Variants in PGM5 observed in about 807,000 individuals in gnomAD.
PGM5 encodes the protein phosphoglucomutase-like protein 5.
PGM5 carries 23 observed loss-of-function variants against 59.2 expected under a neutral mutation model. That is an observed-to-expected ratio of 0.39 (90% CI 0.28 to 0.55). The LOEUF is 0.55. PGM5 is among the 20% of genes least tolerant of loss of function. The pLI is 0.66. For synonymous variants in PGM5, 214 were observed against 286.0 expected (o/e 0.75, Z 2.54); for missense variants, 574 against 748.3 (o/e 0.77, Z 2.72).
chr9:68,376,864 T>TCTCTTTCTTTTTTC (rs1554677806), intron 1 of PGM5, among the ~76,000 whole-genome samples: 5 of 115,296 alleles, frequency 4.3e-5, no homozygotes, highest in South Asian at 2.6e-4. Context: ...TTTCTTTCTT[T>TCTCTTTCTTTTTTC]TTTCTTTCTC....
intron 6 of PGM5, among the ~76,000 whole-genome samples, chr9:68,420,333 T>G (rs1260744080): frequency 6.6e-6 from 1 of 152,120 alleles, no homozygotes; most frequent in Admixed American, 6.6e-5. Flanking sequence ...TGATCTTGAG[T>G]ACAACTGAAG....
chr9:68,448,059 G>A (rs1823642082), intron 6 of PGM5, among the ~76,000 whole-genome samples: 3 of 152,280 alleles, frequency 2.0e-5, no homozygotes, highest in South Asian at 4.2e-4. Context: ...ATGGGGAAGA[G>A]GGAAGAGGAA....
chr9:68,510,313 G>A (rs1419443281), intron 10 of PGM5, among the ~76,000 whole-genome samples: 4 of 151,754 alleles, frequency 2.6e-5, no homozygotes, highest in African/African-American at 7.3e-5. Flanking sequence ...CACCACGCCC[G>A]GCTAAATTTT....
chr9:68,409,586 G>A (rs1478085688), intron 6 of PGM5, among the ~76,000 whole-genome samples: 2 of 138,522 alleles, frequency 1.4e-5, no homozygotes, highest in African/African-American at 5.4e-5. Context: ...GGACATGGAT[G>A]AAATTGGAAA....
chr9:68,382,030 A>G (rs148766729), intron 2 of PGM5, among the ~76,000 whole-genome samples: 1,994 of 151,950 alleles, frequency 0.013, 21 homozygotes, highest in African/African-American at 0.037. Flanking sequence ...ATAGAAAAGC[A>G]ATACTAAAAT....
intron 6 of PGM5, among the ~76,000 whole-genome samples, chr9:68,424,896 T>C (rs146482209): frequency 1.1e-3 from 172 of 152,298 alleles, no homozygotes; most frequent in African/African-American, 3.8e-3. Context: ...GTTGCCCTTA[T>C]TAGTTAGACC....
intron 1 of PGM5, among the ~76,000 whole-genome samples, chr9:68,370,433 T>C (rs1319250335): frequency 6.6e-6 from 1 of 152,176 alleles, no homozygotes; most frequent in Non-Finnish European, 1.5e-5. Context: ...CTCCGAAATT[T>C]TAGCCTGAGG....
At chr9:68,524,880 G>A (rs193253081) in intron 10 of PGM5, among the ~76,000 whole-genome samples, 115 of 152,312 alleles carry the variant, frequency 7.6e-4, no homozygotes, top group African/African-American at 2.6e-3. Context: ...ATGTGTGACC[G>A]TGGGTCAATC....
intron 6 of PGM5, among the ~76,000 whole-genome samples, chr9:68,448,425 G>T (rs1823647317): frequency 6.6e-6 from 1 of 152,090 alleles, no homozygotes; most frequent in African/African-American, 2.4e-5. Context: ...CCCACTTAGA[G>T]GCTTCCACCC....
intron 4 of PGM5, among the ~76,000 whole-genome samples, chr9:68,390,275 A>T (rs1165106689): frequency 6.6e-6 from 1 of 152,174 alleles, no homozygotes; most frequent in Non-Finnish European, 1.5e-5. Flanking sequence ...TCTGGCCTAC[A>T]GGGAAGACAG....
chr9:68,414,257 A>G (rs1822984171), intron 6 of PGM5, among the ~76,000 whole-genome samples: 1 of 152,118 alleles, frequency 6.6e-6, no homozygotes, highest in South Asian at 2.1e-4. Flanking sequence ...CTCTTTTCTT[A>G]ATAAATTACC....
rs1834457861 is a variant in PGM5, at chr9:68,356,992, A to C, written c.-136A>C. On this transcript the variant is annotated 5_prime_UTR_variant, in exon 1 of 11. Coordinates refer to ENST00000396396, the MANE Select transcript of PGM5 (RefSeq NM_021965.4). ...CCCCAGGCGGGCGGGTGCAGGGCGCAGGGCGCCGACCTGCTGGAGAGGGGG... is the reference window on the plus strand; with the variant it reads ...CCCCAGGCGGGCGGGTGCAGGGCGCCGGGCGCCGACCTGCTGGAGAGGGGG... 8.7e-6 allele frequency: 8 copies of C among 923,142 alleles called. No homozygotes were observed. In the African/African-American group the frequency reaches 1.4e-4, roughly 16 times the overall value. 57.2% of individuals were successfully genotyped at this position (923,142 alleles called of 1,614,324 possible).
chr9:68,410,347 G>A (rs1440692865), intron 6 of PGM5, among the ~76,000 whole-genome samples: 1 of 152,178 alleles, frequency 6.6e-6, no homozygotes, highest in African/African-American at 2.4e-5. Context: ...TATTAAGATA[G>A]AAGGGGATGA....
At chr9:68,480,425 C>A (rs147037384) in intron 8 of PGM5, among the ~76,000 whole-genome samples, 8 of 152,268 alleles carry the variant, frequency 5.3e-5, no homozygotes, top group Admixed American at 5.2e-4. Context: ...GAGGTACAGG[C>A]CAGGTGTGGT....
intron 6 of PGM5, among the ~76,000 whole-genome samples, chr9:68,404,139 G>T (rs1554680919): frequency 6.6e-6 from 1 of 152,022 alleles, no homozygotes; most frequent in African/African-American, 2.4e-5. Flanking sequence ...GTTTTGTTTT[G>T]TTTTGGAGAT....
At chr9:68,359,864 G>A (rs1163492571) in intron 1 of PGM5, among the ~76,000 whole-genome samples, 2 of 151,952 alleles carry the variant, frequency 1.3e-5, no homozygotes, top group Non-Finnish European at 2.9e-5. Flanking sequence ...TTTTTTTTGA[G>A]ACTGGGTCTC....
chr9:68,357,319 G>A lies in PGM5; in HGVS notation c.192G>A (p.Val64=). The change falls in exon 1 of 11, where the codon GTG becomes GTA. Residue 64 remains valine (V), a synonymous_variant. Coordinates refer to ENST00000396396, the MANE Select transcript of PGM5 (RefSeq NM_021965.4). ...LRDRQGCTMV[V]GSDGRYFSRT... ...ACCGTCAGGGCTGCACCATGGTGGT[G>A]GGCAGCGACGGCAGGTACTTTAGCA... 6.4e-7 allele frequency: 1 copy of A among 1,551,788 alleles called. No homozygotes were observed. Among genetic ancestry groups the A allele is most frequent in the African/African-American group, 1.4e-5 (1 of 73,266 alleles).
At chr9:68,390,312 G>A (rs1197579870) in intron 4 of PGM5, among the ~76,000 whole-genome samples, 3 of 152,148 alleles carry the variant, frequency 2.0e-5, no homozygotes, top group Non-Finnish European at 4.4e-5. Context: ...AATAGTATGA[G>A]CAATGTTTCT....
At chr9:68,495,578 A>T (rs914382005) in intron 9 of PGM5, among the ~76,000 whole-genome samples, 2 of 152,200 alleles carry the variant, frequency 1.3e-5, no homozygotes, top group South Asian at 4.1e-4. Flanking sequence ...ATTTTATAAG[A>T]CATAGCTTGT....
Sources: allele counts gnomAD v4.1 joint callset (sites outside exome capture counted in the v4.1 genomes callset), GRCh38; gene constraint gnomAD v4.1.1; transcripts MANE v1.5; gene names NCBI Gene and HGNC (gene_info 2026-07-23, HGNC 2026-07-21).